The following MICU3 variants were observed in gnomAD, a reference collection of about 807,000 sequenced individuals.
MICU3 encodes mitochondrial calcium uptake 3.
Under a neutral mutation model 66.5 loss-of-function variants are expected in MICU3, and 62 were observed. The ratio of observed to expected loss-of-function variants is 0.93; its 90% CI spans 0.76 to 1.15. The LOEUF is 1.15. Ranked by LOEUF, MICU3 falls within the 50% of genes most tolerant of loss-of-function variation. MICU3 has a pLI of 0.00. For missense variants in MICU3, 779 were observed against 664.4 expected, an observed-to-expected ratio of 1.17 and a Z score of -1.90; for synonymous variants, 308 against 240.7, an observed-to-expected ratio of 1.28 and a Z score of -2.59.
chr8:17,084,868 C>A (rs570826748), intron 5 of MICU3, among the ~76,000 whole-genome samples: 1 of 151,962 alleles, frequency 6.6e-6, no homozygotes, highest in Admixed American at 6.6e-5. Context: ...GGAACTAGTT[C>A]ATTGTGTCAT....
At chr8:17,138,346 A>G in the MICU3 span, among the ~76,000 whole-genome samples, 1 of 152,140 alleles carries the variant, frequency 6.6e-6, no homozygotes, top group African/African-American at 2.4e-5. Context: ...GCTGTTTCGG[A>G]AAAAAAGAAA....
the MICU3 span, chr8:17,131,420 G>A: frequency 1.3e-5 from 2 of 151,866 alleles, no homozygotes; most frequent in African/African-American, 4.8e-5. Flanking sequence ...CAGAAAAGTG[G>A]AGTCTTAAAT....
intron 11 of MICU3, among the ~76,000 whole-genome samples, chr8:17,113,440 C>A (rs1448278671): frequency 6.6e-6 from 1 of 152,240 alleles, no homozygotes; most frequent in African/African-American, 2.4e-5. Flanking sequence ...AGTTTATACA[C>A]ATGACATTCC....
intron 1 of MICU3, among the ~76,000 whole-genome samples, chr8:17,041,814 T>A (rs1394193009): frequency 6.6e-6 from 1 of 152,182 alleles, no homozygotes; most frequent in African/African-American, 2.4e-5. Flanking sequence ...ATATGTATGC[T>A]TAGTGGCAAG....
At chr8:17,046,861 C>A (rs1815182041) in intron 1 of MICU3, among the ~76,000 whole-genome samples, 1 of 151,960 alleles carries the variant, frequency 6.6e-6, no homozygotes, top group South Asian at 2.1e-4. Flanking sequence ...GGCTCCATAC[C>A]ACCTCATGTG....
rs1217594132 is a variant in MICU3 at position 17,117,332 on chromosome 8, T to C, written c.1524+732T>C. Among the ~76,000 whole-genome samples the C allele has an allele frequency of 3.9e-5, 6 of 152,310 alleles. No individual in the cohort carries two copies. In the South Asian group the frequency reaches 6.2e-4, roughly 16 times the overall value. ...TCCTCTAGGTAACTTGATGCTCTTA[T>C]GTTACTGCATAATCATTACTTTTTA... On this transcript the variant is annotated intron_variant, in intron 13 of 14. Transcript: ENST00000318063.
chr8:17,081,913 CAT>C (rs997011219), intron 5 of MICU3, 173 bp downstream of exon 5: 3 of 469,340 alleles, frequency 6.4e-6, no homozygotes, highest in African/African-American at 6.2e-5. Context: ...GAGTCAAAAA[CAT>C]AAATGCTACA....
intron 7 of MICU3, among the ~76,000 whole-genome samples, chr8:17,088,108 G>A (rs770877712): frequency 1.3e-5 from 2 of 151,880 alleles, no homozygotes; most frequent in Admixed American, 6.6e-5. Flanking sequence ...TGAAGTGTAC[G>A]TTTATATTTA....
chr8:17,053,792 T>C (rs1334824626), intron 1 of MICU3, among the ~76,000 whole-genome samples: 1 of 152,166 alleles, frequency 6.6e-6, no homozygotes, highest in African/African-American at 2.4e-5. Context: ...TAGAGCTTTC[T>C]AGAGGTAGAA....
intron 7 of MICU3, among the ~76,000 whole-genome samples, chr8:17,089,086 GTTTA>G (rs1209599194): frequency 1.3e-5 from 2 of 151,832 alleles, no homozygotes; most frequent in East Asian, 3.9e-4. Flanking sequence ...TATATAATTT[GTTTA>G]TTTATAAACG....
the MICU3 span, among the ~76,000 whole-genome samples, chr8:17,129,227 T>C: frequency 6.6e-6 from 1 of 152,114 alleles, no homozygotes; most frequent in Non-Finnish European, 1.5e-5. Context: ...CTGTCAACAG[T>C]GTAGTATCCA....
chr8:17,059,159 G>C (rs1182109435), intron 1 of MICU3, among the ~76,000 whole-genome samples: 1 of 152,138 alleles, frequency 6.6e-6, no homozygotes, highest in Non-Finnish European at 1.5e-5. Flanking sequence ...ATCCAATATA[G>C]TTTGAGTTTT....
intron 1 of MICU3, among the ~76,000 whole-genome samples, chr8:17,051,143 C>T (rs996550708): frequency 1.4e-4 from 22 of 152,276 alleles, no homozygotes; most frequent in Middle Eastern, 6.8e-3. Context: ...TGTTTTATTA[C>T]ATGGCCCTCC....
downstream of MICU3, chr8:17,122,725 G>C (rs1434570261): frequency 6.6e-6 from 1 of 151,924 alleles, no homozygotes; most frequent in Non-Finnish European, 1.5e-5. Flanking sequence ...AAATCTTTAT[G>C]GGTTACTAAA....
intron 4 of MICU3, among the ~76,000 whole-genome samples, chr8:17,081,355 C>T (rs1363913680): frequency 6.6e-6 from 1 of 152,010 alleles, no homozygotes. Flanking sequence ...TTCCTTTAAG[C>T]TCTGTTGGAC....
intron 1 of MICU3, among the ~76,000 whole-genome samples, chr8:17,040,161 G>C (rs1398998532): frequency 1.3e-5 from 2 of 151,944 alleles, no homozygotes; most frequent in African/African-American, 4.8e-5. Context: ...GCCCACCTCG[G>C]CCTCCCGAAG....
intron 4 of MICU3, among the ~76,000 whole-genome samples, chr8:17,080,510 T>TC (rs1182730693): frequency 6.6e-6 from 1 of 152,146 alleles, no homozygotes; most frequent in Admixed American, 6.6e-5. Context: ...CATGCCCATT[T>TC]CCCATCCCAT....
chr8:17,118,820 G>T (rs773467120), intron 14 of MICU3, 45 bp downstream of exon 14: 1 of 1,110,034 alleles, frequency 9.0e-7, no homozygotes, highest in Admixed American at 1.8e-5. Context: ...TAACAATAGG[G>T]ATCATAATTT....
intron 8 of MICU3, among the ~76,000 whole-genome samples, chr8:17,097,757 G>T (rs1221806765): frequency 6.6e-6 from 1 of 151,580 alleles, no homozygotes; most frequent in South Asian, 2.1e-4. Flanking sequence ...AGTTAGGCTT[G>T]CAGTTTGACA....
Sources: allele counts gnomAD v4.1 joint callset (sites outside exome capture counted in the v4.1 genomes callset), GRCh38; gene constraint gnomAD v4.1.1; transcripts MANE v1.5; gene names NCBI Gene and HGNC (gene_info 2026-07-23, HGNC 2026-07-21).